DMD: variants seen among roughly 807,000 people sequenced by gnomAD.
DMD encodes dystrophin.
Under a neutral mutation model 330.1 loss-of-function variants are expected in DMD, and 63 were observed. That is an observed-to-expected ratio of 0.19 (90% CI 0.16 to 0.24). The LOEUF (loss-of-function observed/expected upper bound fraction) is 0.24. Ranked by LOEUF, DMD falls within the 10% of genes least tolerant of loss-of-function variation. The pLI is 1.00. For synonymous variants in DMD, 1,223 were observed against 959.8 expected (o/e 1.27, Z -5.07); for missense variants, 3,344 against 2,684.1 (o/e 1.25, Z -5.43).
chrX:32,326,196 A>T (rs111478634), intron 41 of DMD, among the ~76,000 whole-genome samples: 2,808 of 111,882 alleles, frequency 0.025, 81 homozygotes, highest in East Asian at 0.082. Flanking sequence ...CCTAATTCCA[A>T]ATAACAAGTT....
intron 4 of DMD, among the ~76,000 whole-genome samples, chrX:32,828,416 T>C (rs780369624): frequency 9.2e-6 from 1 of 108,511 alleles, no homozygotes; most frequent in South Asian, 4.0e-4. Context: ...TTATAACAAT[T>C]CACAGGATGT....
At chrX:31,394,462 A>G (rs1416910402) in intron 60 of DMD, among the ~76,000 whole-genome samples, 2 of 112,619 alleles carry the variant, frequency 1.8e-5, no homozygotes, top group African/African-American at 6.4e-5. Context: ...GATAAAGAGG[A>G]CACATTTTTA....
At chrX:31,670,888 G>T (rs1319766903) in intron 53 of DMD, among the ~76,000 whole-genome samples, 1 of 110,168 alleles carries the variant, frequency 9.1e-6, no homozygotes, top group Non-Finnish European at 1.9e-5. Flanking sequence ...TGGGAGCGGG[G>T]GACACTATTC....
At chrX:32,863,537 TACACACACAC>T (rs199774174) in intron 2 of DMD, among the ~76,000 whole-genome samples, 10,799 of 78,157 alleles carry the variant, frequency 0.14, 601 homozygotes, top group Middle Eastern at 0.2. Flanking sequence ...ATTGTGTTTA[TACACACACAC>T]ACACACACAC....
intron 44 of DMD, among the ~76,000 whole-genome samples, chrX:31,984,032 A>T (rs1007495712): frequency 1.8e-5 from 2 of 111,850 alleles, no homozygotes; most frequent in African/African-American, 6.5e-5. Flanking sequence ...AGACATGAAA[A>T]GTAGAAAGTA....
intron 55 of DMD, among the ~76,000 whole-genome samples, chrX:31,613,443 C>T (rs2078034659): frequency 9.0e-6 from 1 of 111,538 alleles, no homozygotes; most frequent in Non-Finnish European, 1.9e-5. Flanking sequence ...AGTGAGCCCT[C>T]TTGGAAGTGA....
At chrX:31,240,584 A>G (rs1161957385) in intron 63 of DMD, among the ~76,000 whole-genome samples, 1 of 111,684 alleles carries the variant, frequency 9.0e-6, no homozygotes, top group Non-Finnish European at 1.9e-5. Context: ...ACTATTGTAC[A>G]ATGGAAAAAC....
At chrX:31,374,989 C>G (rs1485304784) in intron 60 of DMD, among the ~76,000 whole-genome samples, 2 of 111,185 alleles carry the variant, frequency 1.8e-5, no homozygotes, top group Non-Finnish European at 3.8e-5. Context: ...AATGTGCCCT[C>G]AGGGAACTGC....
At chrX:33,315,901 A>G in intron 1 of DMD, among the ~76,000 whole-genome samples, 1 of 109,801 alleles carries the variant, frequency 9.1e-6, no homozygotes, top group African/African-American at 3.4e-5. Context: ...CCAGAGGACT[A>G]GTTTTTTTTT....
At chrX:32,012,655 C>T (rs1219242506) in intron 44 of DMD, among the ~76,000 whole-genome samples, 1 of 111,653 alleles carries the variant, frequency 9.0e-6, no homozygotes, top group Non-Finnish European at 1.9e-5. Flanking sequence ...TTCAATCAAC[C>T]ATGTAGTGGA....
intron 57 of DMD, among the ~76,000 whole-genome samples, chrX:31,492,987 C>T (rs1417679187): frequency 2.7e-5 from 3 of 111,050 alleles, no homozygotes; most frequent in Admixed American, 9.6e-5. Flanking sequence ...AACAAACCTG[C>T]ACTTTCTGCA....
chrX:32,318,810 T>C (rs991308275), intron 41 of DMD, among the ~76,000 whole-genome samples: 4 of 112,012 alleles, frequency 3.6e-5, no homozygotes, highest in South Asian at 3.7e-4. Context: ...GAATTAATTT[T>C]TAAAGCAGGG....
At chrX:32,754,577 T>C (rs963716832) in intron 7 of DMD, among the ~76,000 whole-genome samples, 1 of 109,451 alleles carries the variant, frequency 9.1e-6, no homozygotes, top group Non-Finnish European at 1.9e-5. Flanking sequence ...ACAGTAAAAG[T>C]ATGATCTCTT....
At chrX:33,026,172 A>G (rs1409099237) in intron 1 of DMD, among the ~76,000 whole-genome samples, 3 of 108,905 alleles carry the variant, frequency 2.8e-5, no homozygotes, top group Non-Finnish European at 5.7e-5. Flanking sequence ...CGTCTCTACT[A>G]AAAATACAAA....
intron 62 of DMD, among the ~76,000 whole-genome samples, chrX:31,294,666 G>A (rs1200135193): frequency 1.8e-5 from 2 of 112,070 alleles, no homozygotes; most frequent in Admixed American, 9.4e-5. Flanking sequence ...CTGATGACCC[G>A]TTATAGAGGT....
intron 63 of DMD, among the ~76,000 whole-genome samples, chrX:31,237,839 C>A (rs1653320155): frequency 9.0e-6 from 1 of 111,273 alleles, no homozygotes; most frequent in African/African-American, 3.3e-5. Context: ...TGTGCCTCAG[C>A]CTCCCAAGTA....
chrX:31,709,753 G>T (rs2084490946), intron 52 of DMD, among the ~76,000 whole-genome samples: 1 of 110,381 alleles, frequency 9.1e-6, no homozygotes, highest in Non-Finnish European at 1.9e-5. Flanking sequence ...AGTTCTAAAT[G>T]GCATATTTCT....
chrX:32,470,961 A>T (rs2040567548), intron 22 of DMD, among the ~76,000 whole-genome samples: 2 of 111,960 alleles, frequency 1.8e-5, no homozygotes, highest in Admixed American at 9.6e-5. Flanking sequence ...GTTATTGAAC[A>T]TATAATGTAG....
rs377534314 is a variant in DMD at position 31,626,045 on chromosome X, C to T, written c.8217+1628G>A. Among the ~76,000 whole-genome samples the T allele has an allele frequency of 4.2e-4, 47 of 111,042 alleles. No homozygotes were observed. The East Asian group carries it at 6.5e-3, about 15-fold the overall frequency. On this transcript the variant is annotated intron_variant, in intron 55 of 78. Transcript: ENST00000357033. ...TGTCACCCAGGCTGGAGTGCAGTGG[C>T]GCCACCTCGGCTCACTGCAACCTCT... is the stretch of plus-strand genomic sequence containing the variant.
Sources: allele counts gnomAD v4.1 joint callset (sites outside exome capture counted in the v4.1 genomes callset), GRCh38; gene constraint gnomAD v4.1.1; transcripts MANE v1.5; gene names NCBI Gene and HGNC (gene_info 2026-07-23, HGNC 2026-07-21).